The following PHACTR3 variants were observed in gnomAD, a reference collection of about 807,000 sequenced individuals.
PHACTR3 encodes the protein phosphatase and actin regulator 3.
A neutral mutation model predicts 66.8 loss-of-function variants in PHACTR3; 16 were observed. The observed-to-expected ratio is 0.24, with a 90% CI of 0.16 to 0.36. The LOEUF is 0.36. PHACTR3 is among the 10% of genes least tolerant of loss of function. PHACTR3 has a pLI of 1.00. For synonymous variants in PHACTR3, 323 were observed against 292.1 expected, an observed-to-expected ratio of 1.11 and a Z score of -1.08; for missense variants, 647 against 719.9, an observed-to-expected ratio of 0.90 and a Z score of 1.16.
At position 59,773,461 on chromosome 20, in the gene PHACTR3, C is replaced by T. The variant is rs1238163062; in HGVS notation, c.926+8C>T. The T allele has an allele frequency of 6.3e-7, 1 of 1,597,930 alleles. No individual in the cohort carries two copies. Among genetic ancestry groups the T allele is most frequent in the Admixed American group, 1.7e-5 (1 of 57,726 alleles). On this transcript the variant is annotated splice_region_variant and intron_variant, in intron 6 of 12. Transcript: ENST00000371015. ...GAAGCACCGCCAGGACAGGTGAGGCCCTGCCCCATGAGGGAGACCTGTGCT... is the reference window on the plus strand; with the variant it reads ...GAAGCACCGCCAGGACAGGTGAGGCTCTGCCCCATGAGGGAGACCTGTGCT...
chr20:59,665,273 C>G (rs2035945885), intron 1 of PHACTR3, among the ~76,000 whole-genome samples: 1 of 152,162 alleles, frequency 6.6e-6, no homozygotes, highest in South Asian at 2.1e-4. Context: ...AGGACAGATT[C>G]TCAGACACGA....
At chr20:59,810,591 C>T (rs143276900) in intron 8 of PHACTR3, among the ~76,000 whole-genome samples, 2 of 152,376 alleles carry the variant, frequency 1.3e-5, no homozygotes, top group African/African-American at 2.4e-5. Context: ...GTGCCATCTA[C>T]TGTATCCCAA....
rs1023405378 is a variant in PHACTR3, at chr20:59,738,820, C to T, written c.119-4287C>T. The stretch of plus-strand genomic sequence containing the variant: ...TAAAGCAATGATTATGCTCCATCCT[C>T]GTCTCCTCTGCTCATCCCTGGAGAT... On this transcript the variant is annotated intron_variant, in intron 1 of 12. Transcript: ENST00000371015. This position sits in a 1 kb window ranked among gnomAD's most constrained non-coding sequence, Gnocchi z 4.4. 2.6e-5 allele frequency among the ~76,000 whole-genome samples: 4 copies of T among 152,152 alleles called. No individual in the cohort carries two copies. The highest frequency in any genetic ancestry group is 1.3e-4 in the Admixed American group (2 of 15,282).
intron 1 of PHACTR3, among the ~76,000 whole-genome samples, chr20:59,687,460 T>C (rs2036945563): frequency 6.6e-6 from 1 of 151,866 alleles, no homozygotes; most frequent in African/African-American, 2.4e-5. Flanking sequence ...AATGGAAGAG[T>C]CCAGCTTATT....
chr20:59,667,764 T>A (rs1234672845), intron 1 of PHACTR3, among the ~76,000 whole-genome samples: 1 of 152,214 alleles, frequency 6.6e-6, no homozygotes, highest in Non-Finnish European at 1.5e-5. Context: ...CTTCCTGTCC[T>A]GCTTCCTTTC....
At chr20:59,722,182 A>T (rs2038335039) in intron 1 of PHACTR3, among the ~76,000 whole-genome samples, 1 of 152,140 alleles carries the variant, frequency 6.6e-6, no homozygotes, top group Non-Finnish European at 1.5e-5. Context: ...CAGTGAGCCA[A>T]GAACATGCCA....
intron 11 of PHACTR3, chr20:59,844,259 T>G (rs540275692): frequency 6.6e-6 from 1 of 152,214 alleles, no homozygotes; most frequent in Admixed American, 6.5e-5. Context: ...GTATGGAGAC[T>G]CCTCAAAATA....
chr20:59,755,049 G>A (rs939014080), intron 3 of PHACTR3, 133 bp from the exon 4 acceptor site: 7 of 836,630 alleles, frequency 8.4e-6, no homozygotes, highest in Admixed American at 5.3e-5. Context: ...CTCCTAGGGT[G>A]TGTGGTGAGG....
rs897250895 is a variant in PHACTR3, at chr20:59,577,694, ACTC to A, written c.109+83_109+85del. 218 of 987,712 alleles carry A rather than the reference ACTC, an allele frequency of 2.2e-4. 1 individual carries two copies. Among genetic ancestry groups the A allele is most frequent in the Non-Finnish European group, 2.5e-4 (200 of 786,414 alleles). The allele number at this position is 987,712 out of a possible 1,614,324, so 61.2% of individuals were successfully genotyped here. On this transcript the variant is annotated intron_variant, in intron 1 of 12. Transcript: ENST00000359926. ...GCCGGGCACGAGGCGCTGGGGGACGACTCCTCCTGAATCCCTTGCCCTTGGCCG... is the reference window on the plus strand; with the variant it reads ...GCCGGGCACGAGGCGCTGGGGGACGACTCCTGAATCCCTTGCCCTTGGCCG...
intron 1 of PHACTR3, among the ~76,000 whole-genome samples, chr20:59,591,165 C>G (rs1045200730): frequency 6.6e-6 from 1 of 152,192 alleles, no homozygotes; most frequent in African/African-American, 2.4e-5. Flanking sequence ...GCAGCCTCCC[C>G]AGCAATTTGC....
At chr20:59,719,748 A>C (rs1289430093) in intron 1 of PHACTR3, among the ~76,000 whole-genome samples, 1 of 152,202 alleles carries the variant, frequency 6.6e-6, no homozygotes, top group African/African-American at 2.4e-5. Flanking sequence ...AGTTGGTTTT[A>C]GTGACCCCTT....
rs1013922536 is a variant in PHACTR3 at position 59,606,310 on chromosome 20, C to CT, written c.118+1178_118+1179insT. On this transcript the variant is annotated intron_variant, in intron 1 of 12. Transcript: ENST00000371015. ...GTGTGGGCACTGGATCCCTCCCCCCCCCATTTGAAAATTTAAACAATAAAC... is the reference window on the plus strand; with the variant it reads ...GTGTGGGCACTGGATCCCTCCCCCCCTCCATTTGAAAATTTAAACAATAAAC... 6.6e-5 allele frequency among the ~76,000 whole-genome samples: 10 copies of CT among 151,406 alleles called. No individual in the cohort carries two copies. In the East Asian group the frequency reaches 1.9e-3, roughly 29 times the overall value.
At chr20:59,710,756 C>G (rs1037085432) in intron 1 of PHACTR3, among the ~76,000 whole-genome samples, 30 of 103,918 alleles carry the variant, frequency 2.9e-4, no homozygotes, top group Non-Finnish European at 5.9e-5. Flanking sequence ...CCTCACCTCT[C>G]TTACCATGGC....
intron 1 of PHACTR3, among the ~76,000 whole-genome samples, chr20:59,614,246 GCCATCTAGC>G (rs2033950925): frequency 6.6e-6 from 1 of 152,212 alleles, no homozygotes; most frequent in Non-Finnish European, 1.5e-5. Flanking sequence ...CCTGGCTCCA[GCCATCTAGC>G]TGACAGACGT....
intron 1 of PHACTR3, among the ~76,000 whole-genome samples, chr20:59,608,229 T>G (rs2033729276): frequency 6.6e-6 from 1 of 152,126 alleles, no homozygotes; most frequent in African/African-American, 2.4e-5. Flanking sequence ...TCATTAAATC[T>G]CCCATGGCCG....
rs6027096 is a variant in PHACTR3 at position 59,780,079 on chromosome 20, C to T, written c.1174+5589C>T. ...AGTAGAAACACGTGATGAGGGGGAG[C>T]GAGGGACTGAGGGGCTGCTATGGGA... is the stretch of plus-strand genomic sequence containing the variant. On this transcript the variant is annotated intron_variant, in intron 7 of 12. Transcript: ENST00000371015. Among the ~76,000 whole-genome samples, 66 of 152,228 alleles carry T rather than the reference C, an allele frequency of 4.3e-4. 1 individual carries two copies. The highest frequency in any genetic ancestry group is 1.5e-3 in the African/African-American group (63 of 41,516).
At chr20:59,750,011 A>C (rs2146797720) in intron 3 of PHACTR3, among the ~76,000 whole-genome samples, 1 of 152,222 alleles carries the variant, frequency 6.6e-6, no homozygotes, top group Admixed American at 6.5e-5. Flanking sequence ...ATGCACTCCT[A>C]AATTGATGCC....
chr20:59,749,476 C>T (rs755408713), intron 3 of PHACTR3, among the ~76,000 whole-genome samples: 20 of 152,142 alleles, frequency 1.3e-4, no homozygotes, highest in Non-Finnish European at 2.9e-4. Flanking sequence ...AGGCTGGAGA[C>T]GAATGCTTGG....
intron 8 of PHACTR3, among the ~76,000 whole-genome samples, chr20:59,809,210 A>G (rs747989612): frequency 5.9e-5 from 9 of 151,952 alleles, no homozygotes; most frequent in Non-Finnish European, 1.2e-4. Flanking sequence ...TAAGCAGGTG[A>G]GGCCGGCCCG....
Sources: gnomAD v4.1 joint callset for allele counts (sites outside exome capture counted in the v4.1 genomes callset) on GRCh38, gnomAD v4.1.1 for gene constraint, Gnocchi (gnomAD v3.1) non-coding constraint, MANE v1.5 for transcripts, NCBI Gene and HGNC (gene_info 2026-07-23, HGNC 2026-07-21) for gene names.